Variants in SHISA9 observed in about 807,000 individuals in gnomAD.
The protein encoded by SHISA9 is protein shisa-9.
A neutral mutation model predicts 38.0 loss-of-function variants in SHISA9; 13 were observed. The observed-to-expected ratio is 0.34, with a 90% CI of 0.22 to 0.54. The LOEUF (loss-of-function observed/expected upper bound fraction) is 0.54. Ranked by LOEUF, SHISA9 falls within the 20% of genes least tolerant of loss-of-function variation. The probability of loss-of-function intolerance (pLI) is 0.91; values close to 1 mark genes in which losing one functional copy is unlikely to be tolerated. For synonymous variants in SHISA9, 275 were observed against 242.0 expected (o/e 1.14, Z -1.27); for missense variants, 538 against 575.8 (o/e 0.93, Z 0.67).
intron 3 of SHISA9, among the ~76,000 whole-genome samples, chr16:13,207,355 G>C (rs1024106996): frequency 1.3e-5 from 2 of 152,142 alleles, no homozygotes; most frequent in African/African-American, 4.8e-5. Flanking sequence ...ATGCATTTGG[G>C]ATTAAATTTT....
the SHISA9 span, among the ~76,000 whole-genome samples, chr16:13,536,531 T>C: frequency 2.0e-5 from 3 of 152,166 alleles, no homozygotes; most frequent in African/African-American, 2.4e-5. Flanking sequence ...AGCCCTAACA[T>C]AGAGATAAGC....
At chr16:13,454,329 T>C in the SHISA9 span, among the ~76,000 whole-genome samples, 10 of 152,206 alleles carry the variant, frequency 6.6e-5, no homozygotes, top group African/African-American at 2.4e-4. Context: ...AGCTAAAAGA[T>C]GCAGGCAGAG....
At chr16:13,355,410 G>A in the SHISA9 span, among the ~76,000 whole-genome samples, 45 of 151,838 alleles carry the variant, frequency 3.0e-4, 1 homozygote, top group East Asian at 7.6e-3. Flanking sequence ...ATACTTGTGG[G>A]TTAAGGTGGG....
chr16:13,482,801 T>TACA, the SHISA9 span, among the ~76,000 whole-genome samples: 1 of 112,580 alleles, frequency 8.9e-6, no homozygotes, highest in African/African-American at 3.4e-5. Flanking sequence ...ATCCTGTCAC[T>TACA]AAAAAAAAAA....
chr16:13,540,196 CA>C, the SHISA9 span, among the ~76,000 whole-genome samples: 7 of 26,156 alleles, frequency 2.7e-4, no homozygotes, highest in Non-Finnish European at 5.9e-4. Flanking sequence ...TACATGCCCA[CA>C]CACACACACA....
chr16:13,457,439 T>G, the SHISA9 span, among the ~76,000 whole-genome samples: 1 of 152,046 alleles, frequency 6.6e-6, no homozygotes, highest in Admixed American at 6.6e-5. Context: ...CTGTGTTCCC[T>G]CTAACTGTAC....
chr16:13,082,886 A>C (rs564764925), intron 2 of SHISA9, among the ~76,000 whole-genome samples: 5 of 152,358 alleles, frequency 3.3e-5, no homozygotes, highest in African/African-American at 1.2e-4. Context: ...CAAATTGTAG[A>C]GAAAACCCTT....
chr16:13,087,415 T>C (rs1596639387), intron 2 of SHISA9, among the ~76,000 whole-genome samples: 1 of 152,186 alleles, frequency 6.6e-6, no homozygotes, highest in Admixed American at 6.5e-5. Flanking sequence ...TCTTCCACAA[T>C]GGTTGAACCA....
intron 1 of SHISA9, among the ~76,000 whole-genome samples, chr16:12,907,764 C>T (rs1234866869): frequency 1.3e-5 from 2 of 152,176 alleles, no homozygotes; most frequent in African/African-American, 4.8e-5. Context: ...ACGCAGGAAT[C>T]CAGATTCCTG....
chr16:13,365,482 A>G, the SHISA9 span, among the ~76,000 whole-genome samples: 1,047 of 131,436 alleles, frequency 8.0e-3, 14 homozygotes, highest in African/African-American at 0.028. Context: ...TTTGAGACAG[A>G]GTCTCAGTCT....
At chr16:13,217,988 C>T (rs1422599146) in intron 4 of SHISA9, among the ~76,000 whole-genome samples, 3 of 147,892 alleles carry the variant, frequency 2.0e-5, no homozygotes, top group Admixed American at 6.7e-5. Context: ...CAAGAACATG[C>T]CACTGCACTC....
chr16:13,495,067 A>G, the SHISA9 span, among the ~76,000 whole-genome samples: 1 of 152,222 alleles, frequency 6.6e-6, no homozygotes, highest in African/African-American at 2.4e-5. Context: ...TTGCCAAGGT[A>G]TAAAGACGGG....
the SHISA9 span, among the ~76,000 whole-genome samples, chr16:13,497,144 A>T: frequency 2.6e-5 from 4 of 152,160 alleles, no homozygotes; most frequent in Non-Finnish European, 4.4e-5. Flanking sequence ...ATCTTTTTTT[A>T]AATTTTATTT....
At chr16:13,017,907 T>C (rs948818891) in intron 2 of SHISA9, among the ~76,000 whole-genome samples, 1 of 152,200 alleles carries the variant, frequency 6.6e-6, no homozygotes, top group Non-Finnish European at 1.5e-5. Flanking sequence ...CCTTGTTCAA[T>C]GAAAAAATTA....
chr16:13,019,434 C>A (rs866170474), intron 2 of SHISA9, among the ~76,000 whole-genome samples: 1 of 151,964 alleles, frequency 6.6e-6, no homozygotes, highest in East Asian at 1.9e-4. Flanking sequence ...GGCCTTTCCT[C>A]AGTGGGAGAG....
the SHISA9 span, among the ~76,000 whole-genome samples, chr16:13,327,616 A>C: frequency 6.6e-6 from 1 of 152,046 alleles, no homozygotes; most frequent in African/African-American, 2.4e-5. Context: ...ACTCTGTCTC[A>C]AAAAAGAAAA....
chr16:13,072,375 G>A (rs1456148892), intron 2 of SHISA9, among the ~76,000 whole-genome samples: 2 of 152,294 alleles, frequency 1.3e-5, no homozygotes, highest in South Asian at 4.1e-4. Context: ...TTGGTGGTGG[G>A]GAGTGGAGAG....
the SHISA9 span, among the ~76,000 whole-genome samples, chr16:13,473,276 C>G: frequency 2.2e-4 from 34 of 151,446 alleles, no homozygotes; most frequent in African/African-American, 8.0e-4. Flanking sequence ...AAAGTAATTA[C>G]TTCACATGTC....
intron 2 of SHISA9, among the ~76,000 whole-genome samples, chr16:13,040,726 T>C (rs1446272365): frequency 6.6e-6 from 1 of 152,246 alleles, no homozygotes; most frequent in Non-Finnish European, 1.5e-5. Flanking sequence ...AGTCATTTGG[T>C]AAAGAAAAGC....
Sources: allele counts gnomAD v4.1 joint callset (sites outside exome capture counted in the v4.1 genomes callset), GRCh38; gene constraint gnomAD v4.1.1; transcripts MANE v1.5; gene names NCBI Gene and HGNC (gene_info 2026-07-23, HGNC 2026-07-21).